Variants in MTERF3 observed in about 807,000 individuals in gnomAD.
The protein encoded by MTERF3 is transcription termination factor 3, mitochondrial.
MTERF3 carries 40 observed loss-of-function variants against 40.5 expected under a neutral mutation model. The observed-to-expected ratio is 0.99, with a 90% CI of 0.77 to 1.29. The LOEUF is 1.29. Ranked by LOEUF, MTERF3 falls within the 50% of genes most tolerant of loss-of-function variation. MTERF3 has a pLI of 0.00. For missense variants in MTERF3, 452 were observed against 478.2 expected (o/e 0.95, Z 0.51); for synonymous variants, 158 against 166.6 (o/e 0.95, Z 0.40).
In MTERF3 at chr8:96,258,521, C is replaced by G. The variant is rs372872715; in HGVS notation, c.170G>C (p.Gly57Ala). 2.7e-5 allele frequency: 43 copies of G among 1,613,984 alleles called. No individual in the cohort carries two copies. The African/African-American group carries it at 5.2e-4, about 20-fold the overall frequency. ...ISSDNCFLQW[G>A]FKTYRTSSLW... ...GGAGGAAGTCCTGTAAGTCTTAAATCCCCACTGGAGAAAGCAATTGTCAGA... is the reference window on the plus strand; with the variant it reads ...GGAGGAAGTCCTGTAAGTCTTAAATGCCCACTGGAGAAAGCAATTGTCAGA... Residue 57 changes from glycine (G) to alanine (A), a missense_variant, in exon 2 of 8, where the codon GGA becomes GCA. Physicochemically the swap from Gly to Ala is moderately conservative, Grantham distance 60. Coordinates refer to ENST00000287025, the MANE Select transcript of MTERF3 (RefSeq NM_015942.5).
chr8:96,261,532 A>ACC lies in MTERF3; in HGVS notation c.-44_-43dup, dbSNP rs1464230524. ...CGAGGCCTGCTTCCCGTAGCGGGTG[A>ACC]CCCCGGGACCGACCAACTCGCTGGG... On this transcript the variant is annotated 5_prime_UTR_variant, in exon 1 of 8. Transcript: ENST00000287025. 6.6e-6 allele frequency: 1 copy of ACC among 152,152 alleles called. No individual in the cohort carries two copies. The highest frequency in any genetic ancestry group is 1.5e-5 in the Non-Finnish European group (1 of 68,180). The allele number at this position is 152,152 out of a possible 1,614,324, so 9.4% of individuals were successfully genotyped here. A position where few individuals can be genotyped will look rare whatever the true frequency, so the allele number is the denominator to read the frequency against.
Position 96,243,934 on chromosome 8 carries a change from A to C in MTERF3, c.1044T>G (p.Ile348Met). The change falls in exon 7 of 8, where the codon ATT (isoleucine) becomes ATG (methionine). Residue 348 changes from isoleucine (I) to methionine (M), a missense_variant. Coordinates refer to ENST00000287025, the MANE Select transcript of MTERF3 (RefSeq NM_015942.5). Reference protein sequence around the residue: ...HNVMSIPHHIIVKFPQVFNTR... With the variant: ...HNVMSIPHHIMVKFPQVFNTR... The stretch of plus-strand genomic sequence containing the variant: ...GTGGCATTACCTGTGGGAACTTGAC[A>C]ATGATGTGGTGGGGAATGCTCATCA... The C allele has an allele frequency of 6.2e-7, 1 of 1,613,892 alleles. No homozygotes were observed. The highest frequency in any genetic ancestry group is 8.5e-7 in the Non-Finnish European group (1 of 1,179,926).
At chr8:96,253,669 T>G (rs1461320623) in intron 3 of MTERF3, among the ~76,000 whole-genome samples, 1 of 152,106 alleles carries the variant, frequency 6.6e-6, no homozygotes, top group African/African-American at 2.4e-5. Flanking sequence ...AAGGAATGGC[T>G]GAAACATATT....
At chr8:96,249,638 G>A (rs1187786874) in intron 4 of MTERF3, among the ~76,000 whole-genome samples, 2 of 152,216 alleles carry the variant, frequency 1.3e-5, no homozygotes, top group South Asian at 2.1e-4. Context: ...TTAAGGAATC[G>A]CAAAGCTCTC....
rs539896963 is a variant in MTERF3, at chr8:96,252,197, T to C, written c.488-1102A>G. Among the ~76,000 whole-genome samples the C allele has an allele frequency of 5.9e-5, 9 of 152,358 alleles. No individual in the cohort carries two copies. The South Asian group carries it at 1.9e-3, about 32-fold the overall frequency. On this transcript the variant is annotated intron_variant, in intron 3 of 7. Transcript: ENST00000287025. The stretch of plus-strand genomic sequence containing the variant: ...TGTAAATTGCCCAGTCTCGGGTATG[T>C]CTTTATCAGCAGTGTGAAAACAGAA...
intron 7 of MTERF3, among the ~76,000 whole-genome samples, chr8:96,240,213 A>C (rs1257614247): frequency 1.3e-5 from 2 of 150,670 alleles, no homozygotes; most frequent in Non-Finnish European, 2.9e-5. Flanking sequence ...GCGCCACTGC[A>C]CTCCAGCCTG....
rs539670423 is a variant in MTERF3, at chr8:96,251,178, G to A, written c.488-83C>T. The A allele has an allele frequency of 2.9e-5, 32 of 1,093,548 alleles. No homozygotes were observed. The South Asian group carries it at 5.2e-4, about 18-fold the overall frequency. 67.7% of individuals were successfully genotyped at this position (1,093,548 alleles called of 1,614,324 possible). On this transcript the variant is annotated intron_variant, in intron 3 of 7. Transcript: ENST00000287025. ...ATATACATAAGCACAAGAAATTACTGATGGAGATCAACACCTATCCAAAGG... is the reference window on the plus strand; with the variant it reads ...ATATACATAAGCACAAGAAATTACTAATGGAGATCAACACCTATCCAAAGG...
At chr8:96,251,321 C>T (rs1296276426) in intron 3 of MTERF3, among the ~76,000 whole-genome samples, 1 of 152,180 alleles carries the variant, frequency 6.6e-6, no homozygotes, top group Non-Finnish European at 1.5e-5. Context: ...TTTAGTGCTA[C>T]ATTTCCCCCC....
At position 96,245,936 on chromosome 8, in the gene MTERF3, G is replaced by C. The variant is rs746447872; in HGVS notation, c.826-5C>G. ...ACGAACTACCAGATCTCTAGTCTGT[G>C]GTTGCAAACAAAACAATCTAGTATT... On this transcript the variant is annotated splice_polypyrimidine_tract_variant and splice_region_variant and intron_variant, in intron 5 of 7. Coordinates refer to ENST00000287025, the MANE Select transcript of MTERF3 (RefSeq NM_015942.5). 3.1e-6 allele frequency: 5 copies of C among 1,612,994 alleles called. No homozygotes were observed. The highest frequency in any genetic ancestry group is 4.2e-6 in the Non-Finnish European group (5 of 1,179,502).
intron 6 of MTERF3, 79 bp downstream of exon 6, chr8:96,245,781 C>G: frequency 1.6e-6 from 2 of 1,248,948 alleles, no homozygotes. Context: ...TTTTACATGA[C>G]AATAGCAAAA....
At chr8:96,241,133 C>T (rs112677230) in intron 7 of MTERF3, among the ~76,000 whole-genome samples, 14 of 152,100 alleles carry the variant, frequency 9.2e-5, no homozygotes, top group Non-Finnish European at 1.5e-4. Flanking sequence ...ATCACCCGGC[C>T]GGGCGCGGTG....
At chr8:96,247,429 A>T (rs910170351) in intron 4 of MTERF3, among the ~76,000 whole-genome samples, 1 of 152,244 alleles carries the variant, frequency 6.6e-6, no homozygotes, top group African/African-American at 2.4e-5. Flanking sequence ...AATCTAAAAC[A>T]TAGTAAAAGA....
rs371841848 is a variant in MTERF3, at chr8:96,243,912, G to A, written c.1059+7C>T. 2 of 1,613,156 alleles carry A rather than the reference G, an allele frequency of 1.2e-6. No individual in the cohort carries two copies. Among genetic ancestry groups the A allele is most frequent in the South Asian group, 1.1e-5 (1 of 90,884 alleles). ...GCGCTTACAGAGAGAGCTGTGAGTG[G>A]CATTACCTGTGGGAACTTGACAATG... On this transcript the variant is annotated splice_region_variant and intron_variant, in intron 7 of 7. Coordinates refer to ENST00000287025, the MANE Select transcript of MTERF3 (RefSeq NM_015942.5).
In MTERF3 at chr8:96,244,052, T is replaced by G; in HGVS notation, c.926A>C (p.His309Pro). Residue 309 changes from histidine (H) to proline (P), a missense_variant, in exon 7 of 8, where the codon CAT becomes CCT. Physicochemically the swap from His to Pro is moderately conservative, Grantham distance 77. Coordinates refer to ENST00000287025, the MANE Select transcript of MTERF3 (RefSeq NM_015942.5). ...KVYRLELGFKHNEIQHMITRI... is the reference protein window; with the variant it reads ...KVYRLELGFKPNEIQHMITRI... ...GGTGATCATATGTTGAATTTCGTTATGTTTAAAACCAAGTTCAAGACGATA... is the reference window on the plus strand; with the variant it reads ...GGTGATCATATGTTGAATTTCGTTAGGTTTAAAACCAAGTTCAAGACGATA... 2.5e-6 allele frequency: 4 copies of G among 1,613,384 alleles called. No individual in the cohort carries two copies. In the Middle Eastern group the frequency reaches 4.9e-4, roughly 200 times the overall value.
chr8:96,246,226 G>A, intron 5 of MTERF3, 81 bp downstream of exon 5: 1 of 1,293,552 alleles, frequency 7.7e-7, no homozygotes, highest in Non-Finnish European at 1.0e-6. Flanking sequence ...CATGGGCCAG[G>A]CATCTGCTGG....
At chr8:96,244,918 C>G (rs1314793182) in intron 6 of MTERF3, among the ~76,000 whole-genome samples, 1 of 152,168 alleles carries the variant, frequency 6.6e-6, no homozygotes, top group East Asian at 1.9e-4. Flanking sequence ...GGCATGGGCC[C>G]AACACCAAAC....
At chr8:96,255,403 C>T (rs930225402) in intron 3 of MTERF3, among the ~76,000 whole-genome samples, 5 of 152,254 alleles carry the variant, frequency 3.3e-5, no homozygotes, top group African/African-American at 1.2e-4. Flanking sequence ...CTTTGGGAGG[C>T]CGAGGTGGAC....
chr8:96,257,092 C>A lies in MTERF3; in HGVS notation c.357G>T (p.Leu119Phe), dbSNP rs1472298852. 1 of 1,611,934 alleles carries A rather than the reference C, an allele frequency of 6.2e-7. No individual in the cohort carries two copies. Among genetic ancestry groups the A allele is most frequent in the Non-Finnish European group, 8.5e-7 (1 of 1,179,298 alleles). Residue 119 changes from leucine (L) to phenylalanine (F), a missense_variant, in exon 3 of 8, where the codon TTG (leucine) becomes TTT (phenylalanine). By Grantham distance (22) the Leu-to-Phe change is conservative. Coordinates refer to ENST00000287025, the MANE Select transcript of MTERF3 (RefSeq NM_015942.5). ...CCTCTGAAATTGGCTGCATTGGAGA[C>A]AATGGAGGCAATTCATCCAGTTCTT... ...FLEELDELPP[L>F]SPMQPISEEE...
At chr8:96,250,183 C>T (rs146338202) in intron 4 of MTERF3, among the ~76,000 whole-genome samples, 122 of 152,066 alleles carry the variant, frequency 8.0e-4, no homozygotes, top group Non-Finnish European at 7.6e-4. Context: ...AGCCAACTTA[C>T]GGAAATGATT....
Sources: gnomAD v4.1 joint callset for allele counts (sites outside exome capture counted in the v4.1 genomes callset) on GRCh38, gnomAD v4.1.1 for gene constraint, MANE v1.5 for transcripts, NCBI Gene and HGNC (gene_info 2026-07-23, HGNC 2026-07-21) for gene names.